TACR1: variants seen among roughly 807,000 people sequenced by gnomAD.
TACR1 encodes the protein tachykinin receptor 1, also known as substance-P receptor.
A neutral mutation model predicts 35.8 loss-of-function variants in TACR1; 25 were observed. The ratio of observed to expected loss-of-function variants is 0.70; its 90% confidence interval spans 0.51 to 0.98. The LOEUF (loss-of-function observed/expected upper bound fraction) is 0.98. Among genes scored for constraint, TACR1 ranks in the 50% least tolerant of loss-of-function variants. The pLI is 0.00. For missense variants in TACR1, 478 were observed against 522.9 expected, an observed-to-expected ratio of 0.91 and a Z score of 0.84; for synonymous variants, 195 against 206.7, an observed-to-expected ratio of 0.94 and a Z score of 0.48.
chr2:75,065,319 C>G (rs1439125196), intron 2 of TACR1, among the ~76,000 whole-genome samples: 1 of 152,166 alleles, frequency 6.6e-6, no homozygotes, highest in Non-Finnish European at 1.5e-5. Flanking sequence ...TGTTTTAAAC[C>G]ACTGTAGCAT....
chr2:75,153,335 A>C (rs967404874), intron 1 of TACR1, among the ~76,000 whole-genome samples: 9 of 152,232 alleles, frequency 5.9e-5, no homozygotes, highest in African/African-American at 2.2e-4. Context: ...TCTTTTCTGA[A>C]GGCATCCAAG....
chr2:75,121,497 T>C (rs1673970875), intron 1 of TACR1, among the ~76,000 whole-genome samples: 1 of 152,204 alleles, frequency 6.6e-6, no homozygotes, highest in Non-Finnish European at 1.5e-5. Context: ...CTGGAGCCAT[T>C]CCTCCATCGC....
At chr2:75,051,109 T>A in intron 4 of TACR1, 142 bp downstream of exon 4, 1 of 1,024,444 alleles carries the variant, frequency 9.8e-7, no homozygotes, top group Admixed American at 2.1e-5. Context: ...CAGGCTGAGT[T>A]GTGTGATGAT....
chr2:75,109,026 C>T (rs1248893301), intron 2 of TACR1, among the ~76,000 whole-genome samples: 1 of 152,156 alleles, frequency 6.6e-6, no homozygotes, highest in Admixed American at 6.5e-5. Flanking sequence ...TGAGACCAAA[C>T]TGAAGGAGGA....
At chr2:75,113,022 A>G (rs1673781102) in intron 2 of TACR1, among the ~76,000 whole-genome samples, 1 of 152,212 alleles carries the variant, frequency 6.6e-6, no homozygotes, top group Non-Finnish European at 1.5e-5. Context: ...TCCATAATAA[A>G]TGAGCAAGAT....
chr2:75,144,289 A>G (rs1436320854), intron 1 of TACR1, among the ~76,000 whole-genome samples: 8 of 152,258 alleles, frequency 5.3e-5, no homozygotes, highest in Admixed American at 5.2e-4. Flanking sequence ...GGACTTCACG[A>G]TAGACTGGAA....
intron 2 of TACR1, among the ~76,000 whole-genome samples, chr2:75,091,621 G>A (rs899163835): frequency 6.6e-6 from 1 of 152,158 alleles, no homozygotes; most frequent in Admixed American, 6.5e-5. Context: ...GTCACAGCCT[G>A]TGTTCCTTTC....
intron 1 of TACR1, among the ~76,000 whole-genome samples, chr2:75,194,223 G>A (rs188107818): frequency 6.6e-6 from 1 of 152,274 alleles, no homozygotes; most frequent in Admixed American, 6.5e-5. Flanking sequence ...TGGACCTCTT[G>A]AAGAAAGGCC....
At chr2:75,120,857 C>G in intron 1 of TACR1, 89 bp from the exon 2 acceptor site, 1 of 1,035,820 alleles carries the variant, frequency 9.7e-7, no homozygotes. Context: ...TAAGAAAATT[C>G]ATAGAAACCC....
chr2:75,129,545 C>T lies in TACR1; in HGVS notation c.390-8777G>A, dbSNP rs563022943. On this transcript the variant is annotated intron_variant, in intron 1 of 4. Transcript: ENST00000305249. ...TTGAGGTGATGGATATGCTAATTAC[C>T]CTGATATGACCATTACACATCGTAT... 3.9e-5 allele frequency among the ~76,000 whole-genome samples: 6 copies of T among 152,274 alleles called. No individual in the cohort carries two copies. The South Asian group carries it at 1.2e-3, about 32-fold the overall frequency.
At chr2:75,169,634 A>G (rs1209471778) in intron 1 of TACR1, among the ~76,000 whole-genome samples, 2 of 152,218 alleles carry the variant, frequency 1.3e-5, no homozygotes, top group African/African-American at 2.4e-5. Context: ...CATAAAGTGA[A>G]AGGAATATTA....
intron 2 of TACR1, among the ~76,000 whole-genome samples, chr2:75,072,120 A>G (rs184506764): frequency 1.2e-3 from 183 of 152,246 alleles, no homozygotes; most frequent in Middle Eastern, 6.8e-3. Flanking sequence ...CAAGGAGTCA[A>G]TGGCACCGTG....
At chr2:75,144,292 G>C (rs571129651) in intron 1 of TACR1, among the ~76,000 whole-genome samples, 5 of 152,352 alleles carry the variant, frequency 3.3e-5, no homozygotes, top group African/African-American at 1.2e-4. Context: ...CTTCACGATA[G>C]ACTGGAAGGA....
chr2:75,067,925 G>T (rs925018697), intron 2 of TACR1, among the ~76,000 whole-genome samples: 6 of 152,184 alleles, frequency 3.9e-5, no homozygotes, highest in Admixed American at 1.3e-4. Context: ...CACTGAAGGG[G>T]TTAGGCAGGG....
intron 1 of TACR1, among the ~76,000 whole-genome samples, chr2:75,152,522 G>A (rs759295973): frequency 1.3e-5 from 2 of 152,188 alleles, no homozygotes; most frequent in Non-Finnish European, 2.9e-5. Flanking sequence ...ATGTGGAGCT[G>A]TAAGTCCAAT....
chr2:75,153,379 G>A (rs1295069333), intron 1 of TACR1, among the ~76,000 whole-genome samples: 1 of 138,122 alleles, frequency 7.2e-6, no homozygotes, highest in Non-Finnish European at 1.6e-5. Flanking sequence ...CTGCTTCTCA[G>A]AAGATAGTCC....
chr2:75,086,704 A>G (rs931486534), intron 2 of TACR1, among the ~76,000 whole-genome samples: 2 of 152,222 alleles, frequency 1.3e-5, no homozygotes, highest in African/African-American at 4.8e-5. Flanking sequence ...AGGAATAATA[A>G]AAGGGACTAA....
At chr2:75,074,724 A>G (rs1200550197) in intron 2 of TACR1, among the ~76,000 whole-genome samples, 6 of 151,896 alleles carry the variant, frequency 4.0e-5, no homozygotes, top group South Asian at 2.1e-4. Context: ...TTCAGATCAT[A>G]GTCTATAGGC....
intron 1 of TACR1, 60 bp downstream of exon 1, chr2:75,198,486 A>G (rs1676046983): frequency 8.3e-6 from 13 of 1,574,826 alleles, no homozygotes; most frequent in Non-Finnish European, 1.1e-5. Flanking sequence ...TCCAAACCTC[A>G]CAGCAATGCC....
Sources: allele counts gnomAD v4.1 joint callset (sites outside exome capture counted in the v4.1 genomes callset), GRCh38; gene constraint gnomAD v4.1.1; transcripts MANE v1.5; gene names NCBI Gene and HGNC (gene_info 2026-07-23, HGNC 2026-07-21).